Variants in FAM171A1 observed in about 807,000 individuals in gnomAD.
The protein encoded by FAM171A1 is protein FAM171A1.
In FAM171A1, 23 loss-of-function variants were observed where a neutral mutation model predicts 74.9. The observed-to-expected ratio is 0.31, with a 90% confidence interval of 0.22 to 0.44. FAM171A1 has a LOEUF of 0.44. Ranked by LOEUF, FAM171A1 falls within the 20% of genes least tolerant of loss-of-function variation. The pLI is 1.00. For missense variants in FAM171A1, 1,162 were observed against 1,159.2 expected, an observed-to-expected ratio of 1.00 and a Z score of -0.03; for synonymous variants, 527 against 505.7, an observed-to-expected ratio of 1.04 and a Z score of -0.57.
At position 15,213,691 on chromosome 10, in the gene FAM171A1, T is replaced by A. The variant is rs1298779791; in HGVS notation, c.1897A>T (p.Ile633Phe). The A allele has an allele frequency of 6.2e-7, 1 of 1,612,756 alleles. No homozygotes were observed. Among genetic ancestry groups the A allele is most frequent in the Non-Finnish European group, 8.5e-7 (1 of 1,179,316 alleles). ...AGIFPHPSSQ[I>F]QPQPLSSQAI... Reference sequence around the variant, plus strand: ...TGGGAAGACAGGGGCTGGGGCTGGATCTGTGAGGACGGGTGTGGGAAGATC... The same window carrying A: ...TGGGAAGACAGGGGCTGGGGCTGGAACTGTGAGGACGGGTGTGGGAAGATC... The change falls in exon 8 of 8, where the codon ATC (isoleucine) becomes TTC (phenylalanine). Residue 633 changes from isoleucine (I) to phenylalanine (F), a missense_variant. By Grantham distance (21) the Ile-to-Phe change is conservative. Transcript: ENST00000378116. The surrounding 1 kb of genome is among the most constrained non-coding windows in gnomAD (Gnocchi z 6.8).
intron 1 of FAM171A1, among the ~76,000 whole-genome samples, chr10:15,367,199 AAAAC>A (rs139900551): frequency 1.8e-3 from 280 of 151,568 alleles, no homozygotes; most frequent in African/African-American, 6.1e-3. Context: ...ACTCCATCTC[AAAAC>A]AAACAAACAA....
chr10:15,228,209 A>C (rs975055263), intron 5 of FAM171A1, among the ~76,000 whole-genome samples: 2 of 152,210 alleles, frequency 1.3e-5, no homozygotes, highest in Non-Finnish European at 2.9e-5. Flanking sequence ...GGTAAGAAGC[A>C]GACAGACCTG....
chr10:15,247,721 C>T (rs1834453352), intron 5 of FAM171A1, among the ~76,000 whole-genome samples: 1 of 152,128 alleles, frequency 6.6e-6, no homozygotes, highest in Non-Finnish European at 1.5e-5. Flanking sequence ...GAACCACCCG[C>T]CTCAGCCTCC....
At chr10:15,322,909 G>A (rs1835503642) in intron 1 of FAM171A1, among the ~76,000 whole-genome samples, 2 of 152,156 alleles carry the variant, frequency 1.3e-5, no homozygotes, top group African/African-American at 2.4e-5. Context: ...GGAGGCCCAG[G>A]TGGGTGGATC....
intron 1 of FAM171A1, among the ~76,000 whole-genome samples, chr10:15,355,711 T>C (rs1835924581): frequency 6.6e-6 from 1 of 151,680 alleles, no homozygotes; most frequent in South Asian, 2.1e-4. Context: ...CAAGACTCCA[T>C]CTCAAAAAAT....
chr10:15,238,102 A>G (rs1195875776), intron 5 of FAM171A1, among the ~76,000 whole-genome samples: 3 of 152,096 alleles, frequency 2.0e-5, no homozygotes, highest in African/African-American at 7.2e-5. Context: ...AAAGAAATGA[A>G]CTCCCTTCTT....
At chr10:15,220,621 A>G (rs1228690688) in intron 6 of FAM171A1, among the ~76,000 whole-genome samples, 1 of 152,048 alleles carries the variant, frequency 6.6e-6, no homozygotes, top group Non-Finnish European at 1.5e-5. Context: ...ACCAGGCCAC[A>G]GCTGTTTCAG....
intron 1 of FAM171A1, among the ~76,000 whole-genome samples, chr10:15,286,286 T>A (rs1351725921): frequency 6.6e-6 from 1 of 152,076 alleles, no homozygotes; most frequent in Non-Finnish European, 1.5e-5. Flanking sequence ...TACCTTTGTT[T>A]GTTTGTTTGT....
rs897999316 is a variant in FAM171A1 at position 15,220,794 on chromosome 10, T to C, written c.871+150A>G. The C allele has an allele frequency of 9.2e-6, 6 of 649,830 alleles. No homozygotes were observed. The Admixed American group carries it at 1.6e-4, about 17-fold the overall frequency. The allele number at this position is 649,830 out of a possible 1,614,324, so 40.3% of individuals were successfully genotyped here. Reference sequence around the variant, plus strand: ...AGTCCCCCACCCCCGCAAAATACCTTCTTTACATCATCTCATTTTCAGACT... The same window carrying C: ...AGTCCCCCACCCCCGCAAAATACCTCCTTTACATCATCTCATTTTCAGACT... On this transcript the variant is annotated intron_variant, in intron 6 of 7. Transcript: ENST00000378116.
intron 1 of FAM171A1, among the ~76,000 whole-genome samples, chr10:15,341,870 GAAGGTCGA>G (rs1366999790): frequency 7.2e-5 from 11 of 152,226 alleles, no homozygotes; most frequent in African/African-American, 2.7e-4. Context: ...ATTTGCTCAT[GAAGGTCGA>G]CTTCCTTCCC....
At chr10:15,302,292 G>A (rs1393193723) in intron 1 of FAM171A1, among the ~76,000 whole-genome samples, 3 of 151,836 alleles carry the variant, frequency 2.0e-5, no homozygotes, top group African/African-American at 7.3e-5. Context: ...GGTGAAACCC[G>A]TCTCTACTAA....
At chr10:15,228,916 C>G (rs79061354) in intron 5 of FAM171A1, among the ~76,000 whole-genome samples, 3 of 152,116 alleles carry the variant, frequency 2.0e-5, no homozygotes, top group African/African-American at 4.8e-5. Context: ...TTCTTTGTCA[C>G]GTAAACACTA....
Position 15,275,886 on chromosome 10 carries a change from T to A in FAM171A1, c.387A>T (p.Glu129Asp). The A allele has an allele frequency of 6.2e-7, 1 of 1,612,298 alleles. No individual in the cohort carries two copies. Residue 129 changes from glutamate (E) to aspartate (D), a missense_variant, in exon 3 of 8, where the codon GAA (glutamate) becomes GAT (aspartate). Transcript: ENST00000378116. ...ATCCTGATACTATTTGGACGACATCTTCATATACCATTAGAGTGGCAGAGC... is the reference window on the plus strand; with the variant it reads ...ATCCTGATACTATTTGGACGACATCATCATATACCATTAGAGTGGCAGAGC... ...PERSATLMVY[E>D]DVVQIVSGFQ...
chr10:15,298,861 G>T lies in FAM171A1; in HGVS notation c.98-14756C>A, dbSNP rs904731318. 2.6e-5 allele frequency among the ~76,000 whole-genome samples: 4 copies of T among 152,098 alleles called. No homozygotes were observed. The South Asian group carries it at 8.3e-4, about 32-fold the overall frequency. ...CTGTGGTGACCAGAGGACCCACAAG[G>T]ATTTCTAAAGAAATCCCCACAACAA... On this transcript the variant is annotated intron_variant, in intron 1 of 7. Transcript: ENST00000378116.
At position 15,332,297 on chromosome 10, in the gene FAM171A1, T is replaced by G. The variant is rs1209740508; in HGVS notation, c.97+38659A>C. ...AGCACTTGTATTTTATGCTCACCTT[T>G]TAAGCAACATTAACCAAGAAGCAAT... On this transcript the variant is annotated intron_variant, in intron 1 of 7. Transcript: ENST00000378116. 2.6e-5 allele frequency among the ~76,000 whole-genome samples: 4 copies of G among 152,126 alleles called. No individual in the cohort carries two copies. The East Asian group carries it at 7.7e-4, about 29-fold the overall frequency.
chr10:15,226,720 A>G (rs1280938611), intron 5 of FAM171A1, among the ~76,000 whole-genome samples: 1 of 152,260 alleles, frequency 6.6e-6, no homozygotes, highest in Non-Finnish European at 1.5e-5. Flanking sequence ...AGGTTCTGAC[A>G]TATGAATGTC....
intron 5 of FAM171A1, among the ~76,000 whole-genome samples, chr10:15,232,043 C>T (rs574705133): frequency 1.5e-4 from 23 of 152,238 alleles, no homozygotes; most frequent in African/African-American, 3.4e-4. Flanking sequence ...CAGTGAGCCA[C>T]GGTCATGCCA....
At chr10:15,233,795 G>A (rs1297720517) in intron 5 of FAM171A1, among the ~76,000 whole-genome samples, 5 of 151,710 alleles carry the variant, frequency 3.3e-5, no homozygotes, top group African/African-American at 9.7e-5. Context: ...CCAGCTATTC[G>A]GGAGGCTGAG....
intron 1 of FAM171A1, among the ~76,000 whole-genome samples, chr10:15,327,646 G>A (rs951855753): frequency 2.0e-5 from 3 of 149,852 alleles, no homozygotes; most frequent in Non-Finnish European, 4.5e-5. Flanking sequence ...ACAAGACTCT[G>A]TCTCTAAATA....
Sources: gnomAD v4.1 joint callset for allele counts (sites outside exome capture counted in the v4.1 genomes callset) on GRCh38, gnomAD v4.1.1 for gene constraint, Gnocchi (gnomAD v3.1) non-coding constraint, MANE v1.5 for transcripts, NCBI Gene and HGNC (gene_info 2026-07-23, HGNC 2026-07-21) for gene names.